SNX3: variants seen among roughly 807,000 people sequenced by gnomAD.
SNX3 encodes the protein sorting nexin-3.
A neutral mutation model predicts 17.7 loss-of-function variants in SNX3; 5 were observed. That is an observed-to-expected ratio of 0.28 (90% CI 0.15 to 0.59). SNX3 has a LOEUF of 0.59. SNX3 is among the 20% of genes least tolerant of loss of function. The pLI is 0.88. For missense variants in SNX3, 132 were observed against 206.8 expected, an observed-to-expected ratio of 0.64 and a Z score of 2.22; for synonymous variants, 91 against 76.5, an observed-to-expected ratio of 1.19 and a Z score of -0.99.
At chr6:108,231,243 G>A (rs1312984512) in intron 1 of SNX3, among the ~76,000 whole-genome samples, 3 of 151,902 alleles carry the variant, frequency 2.0e-5, no homozygotes, top group East Asian at 3.9e-4. Flanking sequence ...GCGCCACCAC[G>A]CCCGGCTAAT....
intron 2 of SNX3, among the ~76,000 whole-genome samples, chr6:108,215,330 C>G (rs1166960948): frequency 6.9e-6 from 1 of 144,192 alleles, no homozygotes; most frequent in Non-Finnish European, 1.5e-5. Flanking sequence ...AGCTGGGCTA[C>G]AGAGTGAGAC....
intron 1 of SNX3, among the ~76,000 whole-genome samples, chr6:108,232,292 T>A (rs1017692229): frequency 6.6e-6 from 1 of 152,158 alleles, no homozygotes; most frequent in African/African-American, 2.4e-5. Flanking sequence ...AAAGTATTAC[T>A]AATCACACAG....
Position 108,248,784 on chromosome 6 carries a change from G to A in SNX3, c.162+11976C>T, listed in dbSNP as rs117594026. On this transcript the variant is annotated intron_variant, in intron 1 of 3. Coordinates refer to ENST00000230085, the MANE Select transcript of SNX3 (RefSeq NM_003795.6). ...CCTTCCTTTCTTTTTTTTTTGAGACGGGGTCTCACTCTGTCACCCAGGCTG... is the reference window on the plus strand; with the variant it reads ...CCTTCCTTTCTTTTTTTTTTGAGACAGGGTCTCACTCTGTCACCCAGGCTG... 5.7e-3 allele frequency among the ~76,000 whole-genome samples: 859 copies of A among 150,292 alleles called. 7 individuals are homozygous for A. The highest frequency in any genetic ancestry group is 9.3e-3 in the Non-Finnish European group (627 of 67,652).
chr6:108,221,316 C>T (rs1265421768), intron 2 of SNX3, among the ~76,000 whole-genome samples: 1 of 150,796 alleles, frequency 6.6e-6, no homozygotes, highest in Non-Finnish European at 1.5e-5. Flanking sequence ...ATATATTTTA[C>T]TATATTTTTC....
At chr6:108,214,762 A>C in intron 2 of SNX3, 140 bp from the exon 3 acceptor site, 1 of 837,638 alleles carries the variant, frequency 1.2e-6, no homozygotes, top group Non-Finnish European at 1.8e-6. Flanking sequence ...AGAGCAAAAA[A>C]TACACTGAAA....
rs369223904 is a variant in SNX3 at position 108,253,393 on chromosome 6, C to CTT, written c.162+7365_162+7366dup. On this transcript the variant is annotated intron_variant, in intron 1 of 3. Transcript: ENST00000230085. ...TCCTTTCTTAAATGAATACATATGT[C>CTT]TTTTTTTTTTTTTTTTTTTTACTTC... 5.8e-3 allele frequency among the ~76,000 whole-genome samples: 716 copies of CTT among 123,450 alleles called. 8 individuals carry two copies. The highest frequency in any genetic ancestry group is 0.017 in the African/African-American group (563 of 33,468). The allele number at this position is 123,450 out of a possible 152,430, so 81.0% of individuals were successfully genotyped here. A position where few individuals can be genotyped will look rare whatever the true frequency, so the allele number is the denominator to read the frequency against.
intron 1 of SNX3, among the ~76,000 whole-genome samples, chr6:108,256,180 G>C (rs1031136563): frequency 2.0e-5 from 3 of 152,156 alleles, no homozygotes; most frequent in Admixed American, 6.5e-5. Flanking sequence ...TCAGTGAGCT[G>C]TGACTGCACC....
intron 1 of SNX3, among the ~76,000 whole-genome samples, chr6:108,247,536 TAAAAAACAAAA>T (rs1243948632): frequency 6.6e-6 from 1 of 150,884 alleles, no homozygotes; most frequent in African/African-American, 2.4e-5. Flanking sequence ...CCCAGATAAT[TAAAAAACAAAA>T]AACAAACAAA....
chr6:108,225,622 ACT>A (rs1774951204), intron 1 of SNX3, among the ~76,000 whole-genome samples: 1 of 152,098 alleles, frequency 6.6e-6, no homozygotes, highest in Admixed American at 6.5e-5. Context: ...ACAGAGTGAG[ACT>A]CTGACTCAAA....
At chr6:108,236,388 T>A (rs9386715) in intron 1 of SNX3, among the ~76,000 whole-genome samples, 2,056 of 142,332 alleles carry the variant, frequency 0.014, 26 homozygotes, top group East Asian at 0.044. Flanking sequence ...ATTTTTTTTT[T>A]TTTTTTTTTT....
intron 1 of SNX3, among the ~76,000 whole-genome samples, chr6:108,253,785 G>C (rs1775943030): frequency 1.3e-5 from 2 of 152,068 alleles, no homozygotes; most frequent in Non-Finnish European, 2.9e-5. Context: ...TAAGCAGCAG[G>C]AGAAATCCTT....
At chr6:108,237,345 C>G (rs1341404725) in intron 1 of SNX3, among the ~76,000 whole-genome samples, 1 of 152,154 alleles carries the variant, frequency 6.6e-6, no homozygotes, top group Non-Finnish European at 1.5e-5. Flanking sequence ...CATTCCAGAT[C>G]CTTTATCTCT....
At chr6:108,238,345 A>G (rs1029581248) in intron 1 of SNX3, among the ~76,000 whole-genome samples, 1 of 152,194 alleles carries the variant, frequency 6.6e-6, no homozygotes, top group African/African-American at 2.4e-5. Flanking sequence ...GTAAGAGAGT[A>G]CATAATCTTT....
At chr6:108,254,862 G>A (rs1775985148) in intron 1 of SNX3, among the ~76,000 whole-genome samples, 2 of 152,194 alleles carry the variant, frequency 1.3e-5, no homozygotes, top group Admixed American at 1.3e-4. Context: ...CTTAACAGAG[G>A]AGGAAGTGTG....
At chr6:108,227,118 A>G (rs1469885037) in intron 1 of SNX3, among the ~76,000 whole-genome samples, 1 of 152,214 alleles carries the variant, frequency 6.6e-6, no homozygotes, top group African/African-American at 2.4e-5. Flanking sequence ...ATTTCTCTCT[A>G]ATTTCACCTA....
intron 3 of SNX3, among the ~76,000 whole-genome samples, 197 bp downstream of exon 3, chr6:108,214,301 T>C (rs1202320394): frequency 6.6e-6 from 1 of 152,244 alleles, no homozygotes; most frequent in East Asian, 1.9e-4. Context: ...AACACAAAGA[T>C]GCTCATTTCA....
At chr6:108,218,095 A>G (rs148269010) in intron 2 of SNX3, among the ~76,000 whole-genome samples, 117 of 152,330 alleles carry the variant, frequency 7.7e-4, no homozygotes, top group Admixed American at 3.3e-3. Flanking sequence ...GGACAACATC[A>G]AGAAAGTGAA....
At chr6:108,252,687 T>C (rs1775900838) in intron 1 of SNX3, among the ~76,000 whole-genome samples, 1 of 152,162 alleles carries the variant, frequency 6.6e-6, no homozygotes, top group South Asian at 2.1e-4. Context: ...TTCTCTTTTT[T>C]TTTGGCACAG....
chr6:108,240,868 C>A (rs535115428), intron 1 of SNX3, among the ~76,000 whole-genome samples: 34 of 152,032 alleles, frequency 2.2e-4, no homozygotes, highest in Non-Finnish European at 4.4e-4. Flanking sequence ...TGATGTCGGG[C>A]GCAGTGGCTC....
Sources: gnomAD v4.1 joint callset for allele counts (sites outside exome capture counted in the v4.1 genomes callset) on GRCh38, gnomAD v4.1.1 for gene constraint, MANE v1.5 for transcripts, NCBI Gene and HGNC (gene_info 2026-07-23, HGNC 2026-07-21) for gene names.